The following TBCK variants were observed in gnomAD, a reference collection of about 807,000 sequenced individuals.
The protein encoded by TBCK is TBC domain-containing protein kinase-like protein.
Under a neutral mutation model 113.4 loss-of-function variants are expected in TBCK, and 99 were observed. That is an observed-to-expected ratio of 0.87 (90% CI 0.74 to 1.03). TBCK has a LOEUF of 1.03. Among genes scored for constraint, TBCK ranks in the 50% least tolerant of loss-of-function variants. The pLI is 0.00. For synonymous variants in TBCK, 369 were observed against 370.8 expected (o/e 1.00, Z 0.05); for missense variants, 1,045 against 1,061.3 (o/e 0.98, Z 0.21).
chr4:106,168,804 A>C (rs1338178566), intron 23 of TBCK, among the ~76,000 whole-genome samples: 2 of 151,964 alleles, frequency 1.3e-5, no homozygotes, highest in Non-Finnish European at 2.9e-5. Flanking sequence ...AAATGAGAAA[A>C]ACTATAAAAA....
intron 25 of TBCK, among the ~76,000 whole-genome samples, chr4:106,051,362 T>A (rs1734790795): frequency 1.3e-5 from 2 of 151,900 alleles, no homozygotes; most frequent in Non-Finnish European, 2.9e-5. Context: ...TGGCATGGAC[T>A]AACTAAGACC....
At chr4:106,240,564 TATTG>T (rs1428033172) in intron 12 of TBCK, among the ~76,000 whole-genome samples, 1 of 151,978 alleles carries the variant, frequency 6.6e-6, no homozygotes, top group Non-Finnish European at 1.5e-5. Context: ...TAAAAAATAT[TATTG>T]ATTTATTTTT....
intron 5 of TBCK, among the ~76,000 whole-genome samples, chr4:106,256,110 C>T (rs903793556): frequency 6.6e-6 from 1 of 152,144 alleles, no homozygotes; most frequent in African/African-American, 2.4e-5. Flanking sequence ...GGAAGAAGTG[C>T]ACGTCCATTG....
intron 3 of TBCK, among the ~76,000 whole-genome samples, chr4:106,271,569 T>C: frequency 6.6e-6 from 1 of 151,902 alleles, no homozygotes; most frequent in East Asian, 1.9e-4. Context: ...CTAACCAACA[T>C]GGCAAAACCC....
At chr4:106,175,283 T>C (rs1751527661) in intron 22 of TBCK, among the ~76,000 whole-genome samples, 2 of 151,960 alleles carry the variant, frequency 1.3e-5, no homozygotes, top group Admixed American at 6.6e-5. Flanking sequence ...TGTATCTTAA[T>C]TGGAAGCTTT....
At chr4:106,240,022 A>G (rs1307639692) in intron 12 of TBCK, among the ~76,000 whole-genome samples, 2 of 152,008 alleles carry the variant, frequency 1.3e-5, no homozygotes. Context: ...ATAAAAAAGG[A>G]AAAATGAAAT....
intron 23 of TBCK, among the ~76,000 whole-genome samples, chr4:106,130,559 AAATT>A (rs1395036207): frequency 2.6e-5 from 4 of 151,178 alleles, no homozygotes; most frequent in African/African-American, 7.3e-5. Flanking sequence ...GTAATACTAT[AAATT>A]AATTATGGAC....
At chr4:106,231,273 T>G (rs1758830298) in intron 18 of TBCK, among the ~76,000 whole-genome samples, 1 of 151,600 alleles carries the variant, frequency 6.6e-6, no homozygotes, top group South Asian at 2.1e-4. Context: ...ATTACAACAT[T>G]AGTATATAAG....
chr4:106,266,444 A>G (rs901350927), intron 3 of TBCK, among the ~76,000 whole-genome samples: 1 of 151,852 alleles, frequency 6.6e-6, no homozygotes, highest in South Asian at 2.1e-4. Context: ...CAAACCTTTA[A>G]AGTGATTTTC....
At chr4:106,082,358 T>C (rs1472021825) in intron 25 of TBCK, among the ~76,000 whole-genome samples, 1 of 152,100 alleles carries the variant, frequency 6.6e-6, no homozygotes, top group East Asian at 1.9e-4. Context: ...ACGCTACATG[T>C]TGTCACTTAT....
chr4:106,046,544 G>A lies in TBCK; in HGVS notation c.*26C>T. ...GCTGTTGGTGCTGATGCCACACTAA[G>A]TTTTGGCAGTCACACTCTTGGTTCT... On this transcript the variant is annotated 3_prime_UTR_variant, in exon 26 of 26. Coordinates refer to ENST00000394708, the MANE Select transcript of TBCK (RefSeq NM_001163435.3). The A allele has an allele frequency of 7.6e-7, 1 of 1,324,088 alleles. No homozygotes were observed. The highest frequency in any genetic ancestry group is 1.1e-6 in the Non-Finnish European group (1 of 917,510). 82.0% of individuals were successfully genotyped at this position (1,324,088 alleles called of 1,614,324 possible). A position where few individuals can be genotyped will look rare whatever the true frequency, so the allele number is the denominator to read the frequency against.
intron 25 of TBCK, among the ~76,000 whole-genome samples, chr4:106,094,929 T>C (rs1647104743): frequency 6.6e-6 from 1 of 152,232 alleles, no homozygotes; most frequent in African/African-American, 2.4e-5. Context: ...GTCTTCAACT[T>C]GTCTTTTATT....
chr4:106,137,954 G>A lies in TBCK; in HGVS notation c.2236-21576C>T, dbSNP rs144836205. On this transcript the variant is annotated intron_variant, in intron 23 of 25. Coordinates refer to ENST00000394708, the MANE Select transcript of TBCK (RefSeq NM_001163435.3). The stretch of plus-strand genomic sequence containing the variant: ...GGGCCTCAGTTTTCTCAAATGATGG[G>A]CAGGAGTAGACAGTATTTGTACAGT... Among the ~76,000 whole-genome samples the A allele has an allele frequency of 3.3e-3, 470 of 141,004 alleles. 40 individuals are homozygous for A. The highest frequency in any genetic ancestry group is 0.011 in the African/African-American group (456 of 40,028). 92.5% of individuals were successfully genotyped at this position (141,004 alleles called of 152,430 possible).
upstream of TBCK, chr4:106,316,451 G>A: frequency 4.8e-6 from 6 of 1,237,816 alleles, no homozygotes; most frequent in Non-Finnish European, 7.0e-6. Context: ...GAGGAAGAAA[G>A]AATTGAGGGT....
chr4:106,277,050 C>T (rs1219743756), intron 3 of TBCK, among the ~76,000 whole-genome samples: 3 of 152,042 alleles, frequency 2.0e-5, no homozygotes, highest in African/African-American at 4.8e-5. Flanking sequence ...TGAACAAATA[C>T]ATATGTGATG....
At chr4:106,313,024 G>C (rs916091181) in intron 1 of TBCK, among the ~76,000 whole-genome samples, 4 of 152,122 alleles carry the variant, frequency 2.6e-5, no homozygotes, top group Non-Finnish European at 4.4e-5. Flanking sequence ...ATGAGTACAT[G>C]CATCAAAACT....
intron 17 of TBCK, 82 bp downstream of exon 17, chr4:106,232,856 T>C (rs1046103938): frequency 3.7e-6 from 5 of 1,353,004 alleles, no homozygotes; most frequent in African/African-American, 1.5e-5. Flanking sequence ...CAAGGATGTT[T>C]AGATATTTTA....
chr4:106,051,143 A>G (rs73836955), intron 25 of TBCK, among the ~76,000 whole-genome samples: 6,261 of 151,998 alleles, frequency 0.041, 432 homozygotes, highest in African/African-American at 0.14. Context: ...CCAAAAAATT[A>G]AAAGCTGATG....
chr4:106,247,802 CATCA>C, intron 9 of TBCK: 1 of 154,850 alleles, frequency 6.5e-6, no homozygotes, highest in Admixed American at 6.5e-5. Flanking sequence ...GTAGTGACAT[CATCA>C]AGTCAAAGTC....
Sources: allele counts gnomAD v4.1 joint callset (sites outside exome capture counted in the v4.1 genomes callset), GRCh38; gene constraint gnomAD v4.1.1; transcripts MANE v1.5; gene names NCBI Gene and HGNC (gene_info 2026-07-23, HGNC 2026-07-21).